Variants in MUC5AC observed in about 807,000 individuals in gnomAD.
MUC5AC encodes mucin 5AC, oligomeric mucus/gel-forming, also known as mucin-5AC.
MUC5AC carries 158 observed loss-of-function variants against 169.7 expected under a neutral mutation model. The ratio of observed to expected loss-of-function variants is 0.93; its 90% CI spans 0.82 to 1.06. The LOEUF (loss-of-function observed/expected upper bound fraction) is 1.06, where lower values mean the gene tolerates loss of function less well. Among genes scored for constraint, MUC5AC ranks in the 50% least tolerant of loss-of-function variants. MUC5AC has a pLI of 0.00. For missense variants in MUC5AC, 4,359 were observed against 3,089.9 expected (o/e 1.41, Z -9.74); for synonymous variants, 1,975 against 1,237.0 (o/e 1.60, Z -12.52).
rs765883846 is a variant in MUC5AC, at chr11:1,192,201, A to G, written c.14056A>G (p.Ile4686Val). 6.5e-5 allele frequency: 50 copies of G among 765,108 alleles called. 1 individual carries two copies. Among genetic ancestry groups the G allele is most frequent in the South Asian group, 4.7e-4 (35 of 74,620 alleles). 47.4% of individuals were successfully genotyped at this position (765,108 alleles called of 1,614,324 possible). A position where few individuals can be genotyped will look rare whatever the true frequency, so the allele number is the denominator to read the frequency against. ...AGCCGAGAGCCACCCGGAGGTGAAC[A>G]TTGAACACCTGGGTCAGGTGGTGCA... Reference protein sequence around the residue: ...CRAESHPEVNIEHLGQVVQCS... With the variant: ...CRAESHPEVNVEHLGQVVQCS... The change falls in exon 31 of 49, where the codon ATT becomes GTT. Residue 4686 changes from isoleucine (I) to valine (V), a missense_variant. Physicochemically the swap from Ile to Val is conservative, Grantham distance 29. Coordinates refer to ENST00000621226, the MANE Select transcript of MUC5AC (RefSeq NM_001304359.2).
At chr11:1,163,308 C>T (rs564469572) in intron 6 of MUC5AC, among the ~76,000 whole-genome samples, 2 of 152,342 alleles carry the variant, frequency 1.3e-5, no homozygotes, top group East Asian at 3.9e-4. Flanking sequence ...GACTGCACGC[C>T]CTCTCCTGAA....
chr11:1,182,291 C>G lies in MUC5AC; in HGVS notation c.4146C>G (p.Val1382=), dbSNP rs1473131429. The part of the protein sequence containing the change: ...LPTASASLPP[V]CGEKCLWSPW... ...CAGCCTCTGCCTCACTGCCGCCGGT[C>G]TGTGGGGAAAAGTGCCTGTGGTCGC... is the stretch of plus-strand genomic sequence containing the variant. Residue 1382 remains valine (V), a synonymous_variant, in exon 31 of 49, where the codon GTC becomes GTG. Transcript: ENST00000621226. 1.3e-5 allele frequency: 5 copies of G among 398,436 alleles called. No individual in the cohort carries two copies. Among genetic ancestry groups the G allele is most frequent in the East Asian group, 3.6e-5 (1 of 28,086 alleles). The allele number at this position is 398,436 out of a possible 1,614,324, so 24.7% of individuals were successfully genotyped here.
At position 1,167,999 on chromosome 11, in the gene MUC5AC, C is replaced by T. The variant is rs1274424067; in HGVS notation, c.1497+12C>T. The T allele has an allele frequency of 1.0e-5, 16 of 1,547,776 alleles. No individual in the cohort carries two copies. The highest frequency in any genetic ancestry group is 4.9e-5 in the East Asian group (2 of 40,928). On this transcript the variant is annotated intron_variant, in intron 12 of 48. Coordinates refer to ENST00000621226, the MANE Select transcript of MUC5AC (RefSeq NM_001304359.2). ...ATGGGGCGCAGACGGTGAGTGGAGC[C>T]TGGCAGGGCAAACCCCGGGAAGAGG...
intron 15 of MUC5AC, among the ~76,000 whole-genome samples, chr11:1,171,097 C>G (rs1456530509): frequency 1.3e-5 from 2 of 148,472 alleles, no homozygotes; most frequent in Admixed American, 1.3e-4. Context: ...CTCACCGACT[C>G]AACCATTCAC....
chr11:1,168,937 C>T lies in MUC5AC; in HGVS notation c.1781C>T (p.Ala594Val), dbSNP rs375020726. Reference sequence around the variant, plus strand: ...AGTGGGGTGGTGGAGGCCACCGCTGCGGCCTTCTTCAACACCTTCAAGACC... The same window carrying T: ...AGTGGGGTGGTGGAGGCCACCGCTGTGGCCTTCTTCAACACCTTCAAGACC... ...TLSGVVEATA[A>V]AFFNTFKTQA... The change falls in exon 15 of 49, where the codon GCG (alanine) becomes GTG (valine). Residue 594 changes from alanine to valine, a missense_variant. Transcript: ENST00000621226. The T allele has an allele frequency of 1.1e-5, 18 of 1,611,340 alleles. No homozygotes were observed. The Middle Eastern group carries it at 8.2e-4, about 74-fold the overall frequency.
rs1437002178 is a variant in MUC5AC, at chr11:1,190,813, C to G, written c.12668C>G (p.Thr4223Ser). 21 of 731,428 alleles carry G rather than the reference C, an allele frequency of 2.9e-5. No individual in the cohort carries two copies. Among genetic ancestry groups the G allele is most frequent in the Non-Finnish European group, 5.0e-5 (20 of 400,972 alleles). The allele number at this position is 731,428 out of a possible 1,614,324, so 45.3% of individuals were successfully genotyped here. A position where few individuals can be genotyped will look rare whatever the true frequency, so the allele number is the denominator to read the frequency against. ...ATSSTTSGSG[T>S]TPSPVPTTST... ...AGCAGCACAACCTCCGGTTCTGGAA[C>G]TACTCCAAGCCCTGTTCCCACCACC... is the stretch of plus-strand genomic sequence containing the variant. The change falls in exon 31 of 49, where the codon ACT (threonine) becomes AGT (serine). Residue 4223 changes from threonine to serine, a missense_variant. Transcript: ENST00000621226.
rs1860670093 is a variant in MUC5AC at position 1,175,882 on chromosome 11, C to G, written c.2402-269C>G. 6.2e-5 allele frequency among the ~76,000 whole-genome samples: 6 copies of G among 96,994 alleles called. 1 individual carries two copies. Among genetic ancestry groups the G allele is most frequent in the African/African-American group, 1.7e-4 (4 of 23,962 alleles). The allele number at this position is 96,994 out of a possible 152,430, so 63.6% of individuals were successfully genotyped here. On this transcript the variant is annotated intron_variant, in intron 19 of 48. Transcript: ENST00000621226. ...GGACACGCTCACACATCCACTCATG[C>G]ACATGCACACACACCCACACATGCA...
At chr11:1,174,691 T>A in intron 17 of MUC5AC, 69 bp downstream of exon 17, 1 of 637,506 alleles carries the variant, frequency 1.6e-6, no homozygotes, top group Non-Finnish European at 2.7e-6. Flanking sequence ...GCCCCCAGTG[T>A]GCACAGGTTG....
chr11:1,193,673 C>A lies in MUC5AC; in HGVS notation c.14755+14C>A. 2 of 762,350 alleles carry A rather than the reference C, an allele frequency of 2.6e-6. No homozygotes were observed. The highest frequency in any genetic ancestry group is 2.7e-5 in the South Asian group (2 of 74,528). 47.2% of individuals were successfully genotyped at this position (762,350 alleles called of 1,614,324 possible). ...ACCAGTGCCAGTGTGAGTGGAGCGC[C>A]GAGCGGGACCCAGGGCAGCCGGGGC... On this transcript the variant is annotated intron_variant, in intron 33 of 48. Coordinates refer to ENST00000621226, the MANE Select transcript of MUC5AC (RefSeq NM_001304359.2).
chr11:1,193,829 C>T (rs1206291136), intron 33 of MUC5AC, among the ~76,000 whole-genome samples, 170 bp downstream of exon 33: 2 of 152,246 alleles, frequency 1.3e-5, no homozygotes, highest in East Asian at 1.9e-4. Flanking sequence ...CGAGCCTCCC[C>T]GCTTAGGGGT....
Position 1,190,790 on chromosome 11 carries a change from C to A in MUC5AC, c.12645C>A (p.Ser4215Arg). Residue 4215 changes from serine to arginine, a missense_variant, in exon 31 of 49, where the codon AGC (serine) becomes AGA (arginine). By Grantham distance (110) the Ser-to-Arg change is moderately radical. Coordinates refer to ENST00000621226, the MANE Select transcript of MUC5AC (RefSeq NM_001304359.2). ...CCAGCAAAACCTCAGCTGCTACAAG[C>A]AGCACAACCTCCGGTTCTGGAACTA... is the stretch of plus-strand genomic sequence containing the variant. ...PQTSKTSAATSSTTSGSGTTP... is the reference protein window; with the variant it reads ...PQTSKTSAATRSTTSGSGTTP... 4.2e-6 allele frequency: 3 copies of A among 717,556 alleles called. No individual in the cohort carries two copies. The highest frequency in any genetic ancestry group is 7.6e-6 in the Non-Finnish European group (3 of 393,502). The allele number at this position is 717,556 out of a possible 1,614,324, so 44.4% of individuals were successfully genotyped here.
rs1484550042 is a variant in MUC5AC, at chr11:1,188,898, G to A, written c.10753G>A (p.Val3585Met). ...PEVSIEHLGQ[V>M]VQCSREEGLV... The stretch of plus-strand genomic sequence containing the variant: ...GGTGAGCATCGAACACCTGGGCCAG[G>A]TGGTGCAGTGCAGCCGCGAAGAGGG... The change falls in exon 31 of 49, where the codon GTG (valine) becomes ATG (methionine). Residue 3585 changes from valine (V) to methionine (M), a missense_variant. Transcript: ENST00000621226. 161 of 763,222 alleles carry A rather than the reference G, an allele frequency of 2.1e-4. 4 individuals are homozygous for A. The highest frequency in any genetic ancestry group is 1.8e-3 in the South Asian group (134 of 74,312). The allele number at this position is 763,222 out of a possible 1,614,324, so 47.3% of individuals were successfully genotyped here.
Position 1,161,875 on chromosome 11 carries a change from C to T in MUC5AC, c.212-32C>T, listed in dbSNP as rs376858110. On this transcript the variant is annotated intron_variant, in intron 3 of 48. Coordinates refer to ENST00000621226, the MANE Select transcript of MUC5AC (RefSeq NM_001304359.2). ...GGGTGCAGGGCGAGGATGAGGGCGA[C>T]GCCCCCAAACACCATGCTGCTTCCA... The T allele has an allele frequency of 5.1e-4, 816 of 1,598,094 alleles. 3 individuals carry two copies. In the African/African-American group the frequency reaches 8.5e-3, roughly 17 times the overall value.
In MUC5AC at chr11:1,189,607, C is replaced by G; in HGVS notation, c.11462C>G (p.Thr3821Ser). 1.6e-6 allele frequency: 1 copy of G among 616,752 alleles called. No individual in the cohort carries two copies. Among genetic ancestry groups the G allele is most frequent in the South Asian group, 1.9e-5 (1 of 52,256 alleles). The allele number at this position is 616,752 out of a possible 1,614,324, so 38.2% of individuals were successfully genotyped here. A position where few individuals can be genotyped will look rare whatever the true frequency, so the allele number is the denominator to read the frequency against. ...ACCAGCACAACCTCCACTCCGCAGA[C>G]CAGCACAACCTCTTCCCCTACAACT... Reference protein sequence around the residue: ...PTTSTTSTPQTSTTSSPTTST... With the variant: ...PTTSTTSTPQSSTTSSPTTST... Residue 3821 changes from threonine (T) to serine (S), a missense_variant, in exon 31 of 49, where the codon ACC (threonine) becomes AGC (serine). Coordinates refer to ENST00000621226, the MANE Select transcript of MUC5AC (RefSeq NM_001304359.2).
At chr11:1,175,970 ACGCTCACACC>A (rs1860674688) in intron 19 of MUC5AC, among the ~76,000 whole-genome samples, 171 bp from the exon 20 acceptor site, 1 of 138,416 alleles carries the variant, frequency 7.2e-6, no homozygotes, top group African/African-American at 2.8e-5. Context: ...CAGTTATGCA[ACGCTCACACC>A]CACTCATGGA....
chr11:1,194,735 G>A (rs1303994093), intron 35 of MUC5AC, 65 bp downstream of exon 35: 4 of 690,574 alleles, frequency 5.8e-6, no homozygotes, highest in Non-Finnish European at 1.0e-5. Flanking sequence ...GGGCAGGGGC[G>A]AGGCCACCAC....
chr11:1,176,585 C>G lies in MUC5AC; in HGVS notation c.2574C>G (p.Ile858Met). ...TGGCGGACGGCGAGGGCGGCTGCAT[C>G]ACTGCGGAGGACTGCCCCTGCGTGC... ...GLVADGEGGC[I>M]TAEDCPCVHN... The change falls in exon 21 of 49, where the codon ATC becomes ATG. Residue 858 changes from isoleucine to methionine, a missense_variant. Transcript: ENST00000621226. 1 of 399,858 alleles carries G rather than the reference C, an allele frequency of 2.5e-6. No individual in the cohort carries two copies. The highest frequency in any genetic ancestry group is 3.6e-5 in the East Asian group (1 of 28,100). The allele number at this position is 399,858 out of a possible 1,614,324, so 24.8% of individuals were successfully genotyped here.
Position 1,188,735 on chromosome 11 carries a change from T to C in MUC5AC, c.10590T>C (p.Phe3530=), listed in dbSNP as rs1441427708. Residue 3530 remains phenylalanine (F), a synonymous_variant, in exon 31 of 49, where the codon TTT becomes TTC. Transcript: ENST00000621226. ...CHPRCTWTKW[F]DVDFPSPGPH... is the part of the protein sequence containing the mutation. ...CCCGGTGCACCTGGACCAAATGGTT[T>C]GATGTGGACTTTCCATCCCCTGGAC... The C allele has an allele frequency of 2.6e-6, 2 of 763,260 alleles. No homozygotes were observed. The highest frequency in any genetic ancestry group is 4.8e-6 in the Non-Finnish European group (2 of 416,858). 47.3% of individuals were successfully genotyped at this position (763,260 alleles called of 1,614,324 possible). A position where few individuals can be genotyped will look rare whatever the true frequency, so the allele number is the denominator to read the frequency against.
chr11:1,163,072 C>G, intron 6 of MUC5AC, 27 bp downstream of exon 6: 5 of 1,598,760 alleles, frequency 3.1e-6, no homozygotes, highest in Non-Finnish European at 4.3e-6. Flanking sequence ...CCCTCAGCCC[C>G]TTCCTCAGTG....
Sources: gnomAD v4.1 joint callset for allele counts (sites outside exome capture counted in the v4.1 genomes callset) on GRCh38, gnomAD v4.1.1 for gene constraint, MANE v1.5 for transcripts, NCBI Gene and HGNC (gene_info 2026-07-23, HGNC 2026-07-21) for gene names.